Variants in NPFFR2 observed in about 807,000 individuals in gnomAD.
NPFFR2 encodes G-protein coupled receptor 74.
Under a neutral mutation model 13.1 loss-of-function variants are expected in NPFFR2, and 15 were observed. The ratio of observed to expected loss-of-function variants is 1.15; its 90% CI spans 0.77 to 1.76. NPFFR2 has a LOEUF of 1.76. Among genes scored for constraint, NPFFR2 ranks in the 40% most tolerant of loss-of-function variants. NPFFR2 has a pLI of 0.00. For missense variants in NPFFR2, 572 were observed against 503.5 expected (o/e 1.14, Z -1.30); for synonymous variants, 190 against 175.7 (o/e 1.08, Z -0.65).
chr4:72,130,340 G>A (rs1722198601), intron 2 of NPFFR2, among the ~76,000 whole-genome samples: 1 of 152,072 alleles, frequency 6.6e-6, no homozygotes, highest in Non-Finnish European at 1.5e-5. Flanking sequence ...AGAAATTTAG[G>A]CCCTCATGTG....
At chr4:72,042,266 G>C (rs1267110670) in intron 1 of NPFFR2, among the ~76,000 whole-genome samples, 2 of 152,124 alleles carry the variant, frequency 1.3e-5, no homozygotes, top group Non-Finnish European at 2.9e-5. Context: ...TGCCATAATT[G>C]TAAGTTTTCT....
chr4:72,038,176 GTTCT>G (rs982285224), intron 1 of NPFFR2, among the ~76,000 whole-genome samples: 21 of 152,124 alleles, frequency 1.4e-4, no homozygotes, highest in Admixed American at 1.3e-3. Context: ...CAGGGAAGGG[GTTCT>G]TTAAGTCATT....
intron 1 of NPFFR2, among the ~76,000 whole-genome samples, chr4:72,102,741 TG>T (rs1721292329): frequency 6.6e-6 from 1 of 152,074 alleles, no homozygotes; most frequent in South Asian, 2.1e-4. Context: ...ATGGTGTATA[TG>T]TGCCACATTT....
At chr4:72,140,129 G>A (rs1444065147) in intron 3 of NPFFR2, among the ~76,000 whole-genome samples, 2 of 152,174 alleles carry the variant, frequency 1.3e-5, no homozygotes, top group Admixed American at 6.5e-5. Flanking sequence ...CTTTGCTGAA[G>A]TTGCTTATCA....
intron 1 of NPFFR2, among the ~76,000 whole-genome samples, chr4:72,106,479 G>A (rs911898335): frequency 6.6e-6 from 1 of 152,036 alleles, no homozygotes; most frequent in African/African-American, 2.4e-5. Flanking sequence ...TGAAGAGAAC[G>A]CTTGTTAAGA....
In NPFFR2 at chr4:72,138,058, C is replaced by G. The variant is rs754545539; in HGVS notation, c.347C>G (p.Thr116Arg). 6.2e-7 allele frequency: 1 copy of G among 1,612,940 alleles called. No homozygotes were observed. The highest frequency in any genetic ancestry group is 1.1e-5 in the South Asian group (1 of 90,920). The part of the protein sequence containing the change: ...NIIAGWPFGN[T>R]MCKISGLVQG... ...CTTTCAGGATGGCCATTTGGAAACA[C>G]GATGTGCAAGATCAGTGGATTGGTC... Residue 116 changes from threonine to arginine, a missense_variant, in exon 3 of 4, where the codon ACG becomes AGG. By Grantham distance (71) the Thr-to-Arg change is moderately conservative (BLOSUM62 -1). Transcript: ENST00000308744.
chr4:72,147,256 T>C lies in NPFFR2; in HGVS notation c.707T>C (p.Val236Ala), dbSNP rs1722813124. The change falls in exon 4 of 4, where the codon GTC becomes GCC. Residue 236 changes from valine to alanine, a missense_variant. Coordinates refer to ENST00000308744, the MANE Select transcript of NPFFR2 (RefSeq NM_004885.3). ...TACCTGGCTCCCCTCTCCCTCATTG[T>C]CATCATGTATGGAAGGATTGGAATT... ...NIYLAPLSLIVIMYGRIGISL... is the reference protein window; with the variant it reads ...NIYLAPLSLIAIMYGRIGISL... The C allele has an allele frequency of 3.7e-6, 6 of 1,614,172 alleles. No individual in the cohort carries two copies. The highest frequency in any genetic ancestry group is 5.1e-6 in the Non-Finnish European group (6 of 1,180,032).
chr4:72,061,199 A>T (rs748078408), intron 1 of NPFFR2, among the ~76,000 whole-genome samples: 3 of 152,150 alleles, frequency 2.0e-5, no homozygotes. Flanking sequence ...CTAGTGAAAC[A>T]CTTTCTATCT....
At chr4:72,092,074 C>T (rs1720931015) in intron 1 of NPFFR2, among the ~76,000 whole-genome samples, 1 of 151,836 alleles carries the variant, frequency 6.6e-6, no homozygotes, top group Non-Finnish European at 1.5e-5. Context: ...TTAAATTTCC[C>T]TCTTGATTTT....
chr4:72,108,800 A>G (rs1226750038), intron 1 of NPFFR2, among the ~76,000 whole-genome samples: 1 of 151,998 alleles, frequency 6.6e-6, no homozygotes, highest in Admixed American at 6.6e-5. Flanking sequence ...CTTCAATTGC[A>G]CATTTTATAT....
At position 72,112,501 on chromosome 4, in the gene NPFFR2, T is replaced by C. The variant is rs74578146; in HGVS notation, c.-7-16084T>C. On this transcript the variant is annotated intron_variant, in intron 1 of 3. Transcript: ENST00000308744. ...AGCTGGCAGGTTCATCATCATCTCCTAAATATTCCCTTGGTTTCCCATTAC... is the reference window on the plus strand; with the variant it reads ...AGCTGGCAGGTTCATCATCATCTCCCAAATATTCCCTTGGTTTCCCATTAC... Among the ~76,000 whole-genome samples the C allele has an allele frequency of 9.6e-3, 1,458 of 152,110 alleles. 30 individuals are homozygous for C. The highest frequency in any genetic ancestry group is 0.034 in the African/African-American group (1,397 of 41,508).
intron 3 of NPFFR2, among the ~76,000 whole-genome samples, chr4:72,143,571 A>C (rs531062483): frequency 5.3e-5 from 8 of 152,292 alleles, no homozygotes; most frequent in African/African-American, 1.9e-4. Flanking sequence ...TGCTAATCTT[A>C]TCCAGAAACA....
At chr4:72,117,228 C>G (rs905797537) in intron 1 of NPFFR2, among the ~76,000 whole-genome samples, 4 of 152,136 alleles carry the variant, frequency 2.6e-5, no homozygotes, top group Non-Finnish European at 5.9e-5. Flanking sequence ...GGTCTACTGG[C>G]CTCATTCCTT....
chr4:72,069,435 A>C lies in NPFFR2; in HGVS notation c.-8+37235A>C, dbSNP rs145940588. On this transcript the variant is annotated intron_variant, in intron 1 of 3. Coordinates refer to ENST00000308744, the MANE Select transcript of NPFFR2 (RefSeq NM_004885.3). ...GCTAAATAAAATATAAATTTAAAAAACTTTTAAGTATAAAACAGGGTCTTC... is the reference window on the plus strand; with the variant it reads ...GCTAAATAAAATATAAATTTAAAAACCTTTTAAGTATAAAACAGGGTCTTC... 5.7e-3 allele frequency among the ~76,000 whole-genome samples: 863 copies of C among 152,244 alleles called. 5 individuals carry two copies. The highest frequency in any genetic ancestry group is 0.017 in the Middle Eastern group (5 of 294).
At chr4:72,077,261 T>G (rs1390354164) in intron 1 of NPFFR2, among the ~76,000 whole-genome samples, 1 of 152,176 alleles carries the variant, frequency 6.6e-6, no homozygotes, top group African/African-American at 2.4e-5. Context: ...GGATTTTTGT[T>G]GGCTGGCATA....
At chr4:72,092,674 G>A (rs1720949525) in intron 1 of NPFFR2, among the ~76,000 whole-genome samples, 1 of 150,398 alleles carries the variant, frequency 6.6e-6, no homozygotes, top group Non-Finnish European at 1.5e-5. Context: ...TCATTTTGGT[G>A]TTCATTTACA....
chr4:72,039,988 G>A (rs1161244948), intron 1 of NPFFR2, among the ~76,000 whole-genome samples: 1 of 152,034 alleles, frequency 6.6e-6, no homozygotes, highest in East Asian at 1.9e-4. Context: ...CAGATGTTTG[G>A]ACTTCTTGTG....
intron 1 of NPFFR2, among the ~76,000 whole-genome samples, chr4:72,036,765 T>C (rs1259501403): frequency 1.3e-5 from 2 of 151,538 alleles, no homozygotes; most frequent in African/African-American, 4.8e-5. Flanking sequence ...TTTAGAAAAA[T>C]TATAATGAGA....
chr4:72,116,673 T>C (rs1274202656), intron 1 of NPFFR2, among the ~76,000 whole-genome samples: 1 of 152,208 alleles, frequency 6.6e-6, no homozygotes, highest in Non-Finnish European at 1.5e-5. Context: ...TATAAACAGT[T>C]CACTTGAGGT....
Sources: gnomAD v4.1 joint callset for allele counts (sites outside exome capture counted in the v4.1 genomes callset) on GRCh38, gnomAD v4.1.1 for gene constraint, MANE v1.5 for transcripts, NCBI Gene and HGNC (gene_info 2026-07-23, HGNC 2026-07-21) for gene names.